INSL6: variants seen among roughly 807,000 people sequenced by gnomAD.
The protein encoded by INSL6 is insulin like 6.
A neutral mutation model predicts 9.4 loss-of-function variants in INSL6; 16 were observed. That is an observed-to-expected ratio of 1.70 (90% CI 1.15 to 2.59). The LOEUF (loss-of-function observed/expected upper bound fraction) is 2.59. Ranked by LOEUF, INSL6 falls within the 30% of genes most tolerant of loss-of-function variation. INSL6 has a pLI of 0.00. For synonymous variants in INSL6, 154 were observed against 96.9 expected, an observed-to-expected ratio of 1.59 and a Z score of -3.46; for missense variants, 391 against 257.3, an observed-to-expected ratio of 1.52 and a Z score of -3.56.
chr9:5,090,375 T>TGATA, the INSL6 span: 6 of 1,121,592 alleles, frequency 5.3e-6, no homozygotes, highest in Non-Finnish European at 7.2e-6. Flanking sequence ...CATTTATGTA[T>TGATA]GATAGTTTTC....
At chr9:5,010,355 G>A in the INSL6 span, among the ~76,000 whole-genome samples, 2 of 147,912 alleles carry the variant, frequency 1.4e-5, no homozygotes, top group Admixed American at 6.7e-5. Context: ...ACGGAGTCTC[G>A]CTCTGTCGCC....
the INSL6 span, chr9:5,110,990 C>T: frequency 6.1e-6 from 4 of 658,052 alleles, no homozygotes; most frequent in South Asian, 3.0e-5. Context: ...ATGATGTTCC[C>T]GCTGCCCGTT....
intron 1 of INSL6, among the ~76,000 whole-genome samples, chr9:5,181,704 T>C (rs563898260): frequency 6.6e-6 from 1 of 152,304 alleles, no homozygotes; most frequent in Admixed American, 6.5e-5. Context: ...AACCAACAAC[T>C]AGTTGTTACT....
chr9:5,071,303 A>G, the INSL6 span, among the ~76,000 whole-genome samples: 1 of 152,222 alleles, frequency 6.6e-6, no homozygotes, highest in East Asian at 1.9e-4. Flanking sequence ...CAAGGAAATA[A>G]TGCAGGATTA....
At chr9:5,114,929 C>G in the INSL6 span, 2 of 179,632 alleles carry the variant, frequency 1.1e-5, no homozygotes, top group African/African-American at 4.8e-5. Context: ...AGTGCCTGCT[C>G]AGAAAACAAA....
At chr9:5,069,248 G>A in the INSL6 span, 1 of 1,409,088 alleles carries the variant, frequency 7.1e-7, no homozygotes, top group South Asian at 1.3e-5. Flanking sequence ...TACTGGTCAT[G>A]GATTGTTTAT....
At chr9:5,116,744 T>G in the INSL6 span, among the ~76,000 whole-genome samples, 1 of 152,308 alleles carries the variant, frequency 6.6e-6, no homozygotes, top group African/African-American at 2.4e-5. Flanking sequence ...GTAGAAAGGC[T>G]GAACTAAAAG....
the INSL6 span, among the ~76,000 whole-genome samples, chr9:5,086,347 G>C: frequency 6.6e-6 from 1 of 151,924 alleles, no homozygotes; most frequent in Non-Finnish European, 1.5e-5. Context: ...CACTCCTAGC[G>C]GTTTTGAAAT....
the INSL6 span, among the ~76,000 whole-genome samples, chr9:5,083,638 C>T: frequency 2.6e-5 from 4 of 152,012 alleles, no homozygotes; most frequent in Admixed American, 1.3e-4. Flanking sequence ...GATTACTAGG[C>T]ACACAATTTT....
intron 1 of INSL6, among the ~76,000 whole-genome samples, chr9:5,171,907 G>C: frequency 6.6e-6 from 1 of 152,100 alleles, no homozygotes. Flanking sequence ...TGGCCATCCT[G>C]CCCAAAGTAA....
intron 3 of INSL6, chr9:5,132,703 T>C (rs1824314768): frequency 6.6e-6 from 1 of 152,202 alleles, no homozygotes; most frequent in Non-Finnish European, 1.5e-5. Context: ...ACTGATCTCC[T>C]AAGTATGTTG....
the INSL6 span, among the ~76,000 whole-genome samples, chr9:5,035,240 A>C: frequency 2.6e-5 from 4 of 152,192 alleles, no homozygotes; most frequent in African/African-American, 7.2e-5. Context: ...GGCAATAATT[A>C]ATAGTTTACC....
At chr9:5,077,117 T>TA in the INSL6 span, among the ~76,000 whole-genome samples, 74 of 151,804 alleles carry the variant, frequency 4.9e-4, no homozygotes, top group Middle Eastern at 3.4e-3. Flanking sequence ...TCTAAAAAGT[T>TA]ATGTGGAAGA....
At chr9:4,994,628 G>A in the INSL6 span, among the ~76,000 whole-genome samples, 1 of 152,224 alleles carries the variant, frequency 6.6e-6, no homozygotes, top group African/African-American at 2.4e-5. Context: ...TGCAAAAGCA[G>A]TTATAGACAA....
intron 1 of INSL6, among the ~76,000 whole-genome samples, chr9:5,177,044 T>A (rs1825324629): frequency 6.6e-6 from 1 of 152,180 alleles, no homozygotes. Flanking sequence ...TTGATTAGGA[T>A]GACTTTATGT....
the INSL6 span, among the ~76,000 whole-genome samples, chr9:5,088,879 G>A: frequency 2.6e-5 from 4 of 152,128 alleles, no homozygotes; most frequent in African/African-American, 4.8e-5. Context: ...TCCTCACAAG[G>A]CCCTATCTCC....
the INSL6 span, among the ~76,000 whole-genome samples, chr9:4,994,370 T>C: frequency 3.3e-4 from 50 of 152,330 alleles, no homozygotes; most frequent in East Asian, 9.4e-3. Context: ...AAAGGACTTA[T>C]TGAAACACAA....
At chr9:5,102,434 A>G in the INSL6 span, among the ~76,000 whole-genome samples, 3 of 152,236 alleles carry the variant, frequency 2.0e-5, no homozygotes, top group Admixed American at 1.3e-4. Context: ...CCTGAAAGTG[A>G]CGGGGAGAAT....
chr9:5,151,178 C>A (rs1824707046), intron 2 of INSL6, among the ~76,000 whole-genome samples: 1 of 152,016 alleles, frequency 6.6e-6, no homozygotes, highest in Non-Finnish European at 1.5e-5. Context: ...CCAGACTTCA[C>A]CACTATGCAA....
Sources: allele counts gnomAD v4.1 joint callset (sites outside exome capture counted in the v4.1 genomes callset), GRCh38; gene constraint gnomAD v4.1.1; transcripts MANE v1.5; gene names NCBI Gene and HGNC (gene_info 2026-07-23, HGNC 2026-07-21).